Variants in VPS13D observed in about 807,000 individuals in gnomAD.
VPS13D encodes the protein intermembrane lipid transfer protein VPS13D.
VPS13D carries 187 observed loss-of-function variants against 461.9 expected under a neutral mutation model. That is an observed-to-expected ratio of 0.40 (90% confidence interval 0.36 to 0.46). The LOEUF is 0.46. Among genes scored for constraint, VPS13D ranks in the 20% least tolerant of loss-of-function variants. The probability of loss-of-function intolerance (pLI) is 0.60; values close to 1 mark genes in which losing one functional copy is unlikely to be tolerated. For synonymous variants in VPS13D, 1,951 were observed against 1,986.3 expected (o/e 0.98, Z 0.47); for missense variants, 4,711 against 5,364.9 (o/e 0.88, Z 3.81).
chr1:12,499,916 C>T (rs1420306341), intron 68 of VPS13D: 1 of 985,242 alleles, frequency 1.0e-6, no homozygotes, highest in African/African-American at 1.7e-5. Flanking sequence ...GACTTTTATC[C>T]TAGATTTGTA....
Position 12,276,608 on chromosome 1 carries a change from A to G in VPS13D, c.3020A>G (p.Asp1007Gly), listed in dbSNP as rs1264043419. ...ACTGTTCATGGTTTGCTCCTGGTGG[A>G]TACCATGCAGACATATGGTGCTGAT... ...SLTVHGLLLV[D>G]TMQTYGADFD... The change falls in exon 19 of 70, where the codon GAT becomes GGT. Residue 1007 changes from aspartate (D) to glycine (G), a missense_variant. Transcript: ENST00000620676. This position sits in a 1 kb window ranked among gnomAD's most constrained non-coding sequence, Gnocchi z 4.5. 6.2e-7 allele frequency: 1 copy of G among 1,614,092 alleles called. No homozygotes were observed. Among genetic ancestry groups the G allele is most frequent in the Non-Finnish European group, 8.5e-7 (1 of 1,180,044 alleles).
At chr1:12,504,925 A>AG (rs1376944605) in intron 68 of VPS13D, among the ~76,000 whole-genome samples, 1 of 150,788 alleles carries the variant, frequency 6.6e-6, no homozygotes, top group South Asian at 2.1e-4. Context: ...TCAAGTGCCC[A>AG]GGGTGGTGGC....
intron 67 of VPS13D, among the ~76,000 whole-genome samples, chr1:12,475,011 T>C (rs1409500888): frequency 6.6e-6 from 1 of 152,038 alleles, no homozygotes; most frequent in Non-Finnish European, 1.5e-5. Flanking sequence ...CCAAAGGCAG[T>C]GGTGGAGCTG....
intron 3 of VPS13D, among the ~76,000 whole-genome samples, chr1:12,243,197 T>G (rs2101206177): frequency 6.6e-6 from 1 of 152,196 alleles, no homozygotes; most frequent in African/African-American, 2.4e-5. Flanking sequence ...TCAGGTGATC[T>G]GCCTGTCTCG....
At chr1:12,314,406 A>G (rs1449970437) in intron 30 of VPS13D, 79 bp downstream of exon 30, 1 of 1,419,036 alleles carries the variant, frequency 7.0e-7, no homozygotes, top group Non-Finnish European at 9.7e-7. Flanking sequence ...GCTTTAGAAC[A>G]TCAAAAAACC....
rs2101203444 is a variant in VPS13D at position 12,242,513 on chromosome 1, G to A, written c.98G>A (p.Gly33Asp). The change falls in exon 3 of 70, where the codon GGT becomes GAT. Residue 33 changes from glycine to aspartate, a missense_variant and splice_region_variant. Physicochemically the swap from Gly to Asp is moderately conservative, Grantham distance 94. Around this residue, in one of 3 missense-constraint regions of VPS13D, gnomAD observed 4,411 missense variants for 4,937.8 expected, o/e 0.89. Transcript: ENST00000620676. The stretch of plus-strand genomic sequence containing the variant: ...TTCATGATGCTGTTTTTATTTTTAG[G>A]TGCTGTTGAATTAGAAAACTTGCCA... Reference protein sequence around the residue: ...TDQLSVALLKGAVELENLPLK... With the variant: ...TDQLSVALLKDAVELENLPLK... The A allele has an allele frequency of 6.2e-7, 1 of 1,613,418 alleles. No homozygotes were observed. Among genetic ancestry groups the A allele is most frequent in the South Asian group, 1.1e-5 (1 of 91,058 alleles).
rs56371569 is a variant in VPS13D, at chr1:12,454,164, C to T, written c.12334-1834C>T. On this transcript the variant is annotated intron_variant, in intron 65 of 69. Transcript: ENST00000620676. ...CAAAGTAGGTACTCTGGCTATTCTC[C>T]AGATGCAGAGGAGGCTCAGAGGTAG... is the stretch of plus-strand genomic sequence containing the variant. 3.8e-3 allele frequency among the ~76,000 whole-genome samples: 584 copies of T among 152,220 alleles called. 3 individuals are homozygous for T. Among genetic ancestry groups the T allele is most frequent in the South Asian group, 7.1e-3 (34 of 4,810 alleles).
rs889487525 is a variant in VPS13D at position 12,436,793 on chromosome 1, C to T, written c.12334-19205C>T. ...AAGCAATTCTCCTGCCTCTGCCTCC[C>T]GAGTAGCTGGGATTACAGGCATGCA... On this transcript the variant is annotated intron_variant, in intron 65 of 69. Transcript: ENST00000620676. 2.6e-5 allele frequency among the ~76,000 whole-genome samples: 4 copies of T among 152,202 alleles called. No individual in the cohort carries two copies. In the South Asian group the frequency reaches 6.2e-4, roughly 24 times the overall value.
chr1:12,426,603 A>AT (rs552315857), intron 65 of VPS13D, among the ~76,000 whole-genome samples: 223 of 152,016 alleles, frequency 1.5e-3, no homozygotes, highest in Non-Finnish European at 2.5e-3. Context: ...AATTTTGTAG[A>AT]TTTTTTGTCT....
At chr1:12,417,901 T>C (rs1213460007) in intron 65 of VPS13D, among the ~76,000 whole-genome samples, 1 of 152,010 alleles carries the variant, frequency 6.6e-6, no homozygotes, top group South Asian at 2.1e-4. Flanking sequence ...CAGTCTTTTC[T>C]TTTTCTTTTT....
At chr1:12,233,780 G>A (rs1640060720) in intron 1 of VPS13D, among the ~76,000 whole-genome samples, 1 of 152,174 alleles carries the variant, frequency 6.6e-6, no homozygotes, top group Admixed American at 6.5e-5. Context: ...GGGCGCAGTG[G>A]CTCATGCCTG....
At chr1:12,450,130 A>C (rs1645243315) in intron 65 of VPS13D, among the ~76,000 whole-genome samples, 1 of 152,210 alleles carries the variant, frequency 6.6e-6, no homozygotes, top group Non-Finnish European at 1.5e-5. Flanking sequence ...CAGCAAAAAA[A>C]AAGAGCAATC....
At chr1:12,400,121 A>G (rs776191630) in intron 60 of VPS13D, 60 bp from the exon 61 acceptor site, 7 of 1,584,212 alleles carry the variant, frequency 4.4e-6, no homozygotes, top group Non-Finnish European at 6.0e-6. Context: ...AAGCGTAAAA[A>G]TGAAAACTGA....
intron 3 of VPS13D, among the ~76,000 whole-genome samples, chr1:12,242,799 G>T (rs1022821189): frequency 6.6e-6 from 1 of 152,154 alleles, no homozygotes; most frequent in Admixed American, 6.5e-5. Context: ...GTGATACCCG[G>T]ACCGACTGAA....
At chr1:12,259,033 TTTCTTC>T (rs754882138) in intron 10 of VPS13D, among the ~76,000 whole-genome samples, 2 of 151,584 alleles carry the variant, frequency 1.3e-5, no homozygotes, top group African/African-American at 4.8e-5. Flanking sequence ...TTTCTTTTCT[TTTCTTC>T]TTCTTCTTTT....
At chr1:12,278,543 G>T (rs1459237516) in intron 19 of VPS13D, among the ~76,000 whole-genome samples, 1 of 152,184 alleles carries the variant, frequency 6.6e-6, no homozygotes, top group Admixed American at 6.5e-5. Context: ...CCAAAGTGTT[G>T]GGATTACAAG....
Position 12,277,843 on chromosome 1 carries a change from A to G in VPS13D, c.4255A>G (p.Ser1419Gly), listed in dbSNP as rs770084604. The G allele has an allele frequency of 6.2e-7, 1 of 1,614,134 alleles. No homozygotes were observed. The highest frequency in any genetic ancestry group is 1.1e-5 in the South Asian group (1 of 91,080). Reference protein sequence around the residue: ...NFVAGDDESRSDRLQVEIKDI... With the variant: ...NFVAGDDESRGDRLQVEIKDI... ...TGTGGCGGGAGATGATGAATCCAGA[A>G]GTGACCGTCTGCAGGTGGAAATCAA... The change falls in exon 19 of 70, where the codon AGT (serine) becomes GGT (glycine). Residue 1419 changes from serine (S) to glycine (G), a missense_variant. By Grantham distance (56) the Ser-to-Gly change is moderately conservative. Around this residue, in one of 3 missense-constraint regions of VPS13D, gnomAD observed 4,411 missense variants for 4,937.8 expected, o/e 0.89. Transcript: ENST00000620676.
Position 12,338,269 on chromosome 1 carries a change from A to G in VPS13D, c.8590A>G (p.Ser2864Gly). 6.2e-7 allele frequency: 1 copy of G among 1,613,796 alleles called. No homozygotes were observed. Among genetic ancestry groups the G allele is most frequent in the Non-Finnish European group, 8.5e-7 (1 of 1,179,772 alleles). The change falls in exon 40 of 70, where the codon AGT (serine) becomes GGT (glycine). Residue 2864 changes from serine to glycine, a missense_variant. Transcript: ENST00000620676. Reference sequence around the variant, plus strand: ...CTACCTTAGAACTAGGAGTACAGCCAGTCTGACTAACCTAGAGCACCAGAT... The same window carrying G: ...CTACCTTAGAACTAGGAGTACAGCCGGTCTGACTAACCTAGAGCACCAGAT... Reference protein sequence around the residue: ...LVYLRTRSTASLTNLEHQIYA... With the variant: ...LVYLRTRSTAGLTNLEHQIYA...
chr1:12,446,067 A>C (rs1365414601), intron 65 of VPS13D, among the ~76,000 whole-genome samples: 1 of 152,224 alleles, frequency 6.6e-6, no homozygotes, highest in Non-Finnish European at 1.5e-5. Context: ...CTTAGTTTCC[A>C]CTGTGAATGG....
Sources: gnomAD v4.1 joint callset for allele counts (sites outside exome capture counted in the v4.1 genomes callset) on GRCh38, gnomAD v4.1.1 for gene constraint, gnomAD v4.1.1 regional missense constraint, Gnocchi (gnomAD v3.1) non-coding constraint, MANE v1.5 for transcripts, NCBI Gene and HGNC (gene_info 2026-07-23, HGNC 2026-07-21) for gene names.